The following ARHGAP42 variants were observed in gnomAD, a reference collection of about 807,000 sequenced individuals.
The protein encoded by ARHGAP42 is Rho GTPase activating protein 42, also known as rho GTPase-activating protein 42.
A neutral mutation model predicts 125.0 loss-of-function variants in ARHGAP42; 63 were observed. That is an observed-to-expected ratio of 0.50 (90% CI 0.41 to 0.62). The LOEUF (loss-of-function observed/expected upper bound fraction) is 0.62. Among genes scored for constraint, ARHGAP42 ranks in the 20% least tolerant of loss-of-function variants. The pLI, the probability that ARHGAP42 is intolerant of heterozygous loss-of-function variation, is 0.00. For synonymous variants in ARHGAP42, 339 were observed against 351.0 expected (o/e 0.97, Z 0.38); for missense variants, 766 against 1,024.2 (o/e 0.75, Z 3.44).
intron 1 of ARHGAP42, among the ~76,000 whole-genome samples, chr11:100,697,599 C>T (rs1470263694): frequency 1.3e-5 from 2 of 152,308 alleles, no homozygotes; most frequent in South Asian, 2.1e-4. Context: ...TATACTGGAG[C>T]TTATCCAAAT....
chr11:100,717,978 G>A (rs936788183), intron 1 of ARHGAP42, among the ~76,000 whole-genome samples: 5 of 151,022 alleles, frequency 3.3e-5, no homozygotes, highest in African/African-American at 1.2e-4. Flanking sequence ...GGCAAATGCT[G>A]TTTAATGAAA....
intron 14 of ARHGAP42, 138 bp downstream of exon 14, chr11:100,961,127 G>A (rs1857942506): frequency 1.9e-6 from 1 of 540,542 alleles, no homozygotes; most frequent in African/African-American, 2.0e-5. Flanking sequence ...AGTTTTTAAT[G>A]TTCATTTATA....
At chr11:100,803,694 C>G (rs1770159988) in intron 3 of ARHGAP42, among the ~76,000 whole-genome samples, 1 of 152,182 alleles carries the variant, frequency 6.6e-6, no homozygotes. Context: ...TCCTCCTTTA[C>G]CCTCCAATCA....
chr11:100,943,983 T>C, intron 10 of ARHGAP42, 115 bp downstream of exon 10: 1 of 651,056 alleles, frequency 1.5e-6, no homozygotes, highest in Non-Finnish European at 2.5e-6. Flanking sequence ...TAAAAAACAG[T>C]ATACATGTTT....
At chr11:100,971,505 G>T (rs1009966208) in intron 17 of ARHGAP42, among the ~76,000 whole-genome samples, 1 of 152,068 alleles carries the variant, frequency 6.6e-6, no homozygotes, top group Non-Finnish European at 1.5e-5. Flanking sequence ...AATGGTGAGT[G>T]GTGGGAGTCT....
intron 4 of ARHGAP42, among the ~76,000 whole-genome samples, chr11:100,897,272 A>G (rs583989): frequency 0.89 from 135,025 of 152,238 alleles, 59,958 homozygotes; most frequent in East Asian, 1. Flanking sequence ...GTCAGGTAGC[A>G]TGATGCCTCC....
chr11:100,980,644 C>G (rs1351081101), intron 22 of ARHGAP42, among the ~76,000 whole-genome samples: 1 of 132,164 alleles, frequency 7.6e-6, no homozygotes, highest in Non-Finnish European at 1.5e-5. Flanking sequence ...GATCTTGGCT[C>G]ACTGCAGCCT....
chr11:100,823,915 A>G (rs578171359), intron 3 of ARHGAP42, among the ~76,000 whole-genome samples: 54 of 152,324 alleles, frequency 3.5e-4, no homozygotes, highest in African/African-American at 1.2e-3. Context: ...TTTAAAGGTT[A>G]TGTCATTATT....
In ARHGAP42 at chr11:100,941,836, T is replaced by A; in HGVS notation, c.885T>A (p.Ser295Arg). The change falls in exon 9 of 24, where the codon AGT (serine) becomes AGA (arginine). Residue 295 changes from serine to arginine, a missense_variant. Coordinates refer to ENST00000298815, the MANE Select transcript of ARHGAP42 (RefSeq NM_152432.4). Reference sequence around the variant, plus strand: ...ATTATTGTACATATGATAAGGGAAGTAAAACATTTACAATGAGTGTTTCAG... The same window carrying A: ...ATTATTGTACATATGATAAGGGAAGAAAAACATTTACAATGAGTGTTTCAG... ...IKHYCTYDKG[S>R]KTFTMSVSEM... is the part of the protein sequence containing the mutation. 6.5e-7 allele frequency: 1 copy of A among 1,539,758 alleles called. No individual in the cohort carries two copies. Among genetic ancestry groups the A allele is most frequent in the Non-Finnish European group, 8.7e-7 (1 of 1,143,310 alleles).
intron 2 of ARHGAP42, among the ~76,000 whole-genome samples, chr11:100,780,375 A>T (rs1863279513): frequency 6.6e-6 from 1 of 152,238 alleles, no homozygotes; most frequent in Non-Finnish European, 1.5e-5. Context: ...CTAATTTGGG[A>T]TGCAGAAATA....
intron 5 of ARHGAP42, among the ~76,000 whole-genome samples, chr11:100,917,015 T>TTGTG (rs6144479): frequency 0.02 from 2,940 of 149,584 alleles, 47 homozygotes; most frequent in African/African-American, 0.035. Context: ...TAAAATAAGT[T>TTGTG]TGTGTGTGTG....
At chr11:100,830,616 A>G (rs1864642930) in intron 3 of ARHGAP42, among the ~76,000 whole-genome samples, 1 of 152,232 alleles carries the variant, frequency 6.6e-6, no homozygotes, top group Admixed American at 6.5e-5. Flanking sequence ...GCCCTGATCT[A>G]GAAAATAACG....
intron 3 of ARHGAP42, chr11:100,840,048 A>G (rs1591227196): frequency 6.6e-6 from 1 of 152,188 alleles, no homozygotes; most frequent in African/African-American, 2.4e-5. Flanking sequence ...AATATGAACT[A>G]GTCTTCAAAT....
chr11:100,739,715 G>C (rs1400318009), intron 1 of ARHGAP42, among the ~76,000 whole-genome samples: 1 of 152,106 alleles, frequency 6.6e-6, no homozygotes, highest in Admixed American at 6.6e-5. Flanking sequence ...TTGTAAACAT[G>C]AGTTGCTTAT....
At chr11:100,981,347 C>T (rs1206722754) in intron 22 of ARHGAP42, among the ~76,000 whole-genome samples, 2 of 152,176 alleles carry the variant, frequency 1.3e-5, no homozygotes, top group Non-Finnish European at 2.9e-5. Context: ...TTAACAGTTA[C>T]CTGATATTCT....
At chr11:100,931,944 A>G (rs996571261) in intron 6 of ARHGAP42, among the ~76,000 whole-genome samples, 1 of 152,222 alleles carries the variant, frequency 6.6e-6, no homozygotes, top group Admixed American at 6.5e-5. Flanking sequence ...CTGACAGTGT[A>G]AAATAATTAT....
At chr11:100,874,021 G>A (rs1865756004) in intron 4 of ARHGAP42, among the ~76,000 whole-genome samples, 1 of 152,178 alleles carries the variant, frequency 6.6e-6, no homozygotes, top group Non-Finnish European at 1.5e-5. Flanking sequence ...TCTTTGTCTT[G>A]TGTTGCAGAA....
intron 1 of ARHGAP42, among the ~76,000 whole-genome samples, chr11:100,731,961 CTTTTT>C (rs71303301): frequency 6.9e-6 from 1 of 144,262 alleles, no homozygotes; most frequent in African/African-American, 2.5e-5. Context: ...TTTTCTTTTT[CTTTTT>C]TTTTTGAGAT....
chr11:100,756,939 A>G (rs1485781538), intron 1 of ARHGAP42, among the ~76,000 whole-genome samples: 1 of 152,202 alleles, frequency 6.6e-6, no homozygotes, highest in East Asian at 1.9e-4. Flanking sequence ...ATTTATTTTT[A>G]TGCTTTCTGA....
Sources: allele counts gnomAD v4.1 joint callset (sites outside exome capture counted in the v4.1 genomes callset), GRCh38; gene constraint gnomAD v4.1.1; transcripts MANE v1.5; gene names NCBI Gene and HGNC (gene_info 2026-07-23, HGNC 2026-07-21).